The following DCLK1 variants were observed in gnomAD, a reference collection of about 807,000 sequenced individuals.
DCLK1 encodes the protein doublecortin like kinase 1.
DCLK1 carries 16 observed loss-of-function variants against 86.2 expected under a neutral mutation model. That is an observed-to-expected ratio of 0.19 (90% CI 0.13 to 0.28). The LOEUF is 0.28. Among genes scored for constraint, DCLK1 ranks in the 10% least tolerant of loss-of-function variants. DCLK1 has a pLI of 1.00. For synonymous variants in DCLK1, 369 were observed against 370.5 expected (o/e 1.00, Z 0.05); for missense variants, 590 against 940.2 (o/e 0.63, Z 4.87).
intron 3 of DCLK1, among the ~76,000 whole-genome samples, chr13:35,950,394 G>A (rs184998845): frequency 6.6e-6 from 1 of 152,290 alleles, no homozygotes; most frequent in African/African-American, 2.4e-5. Flanking sequence ...AATGTACATT[G>A]AGAATTTTCC....
At chr13:36,098,028 T>C (rs1885075787) in intron 3 of DCLK1, among the ~76,000 whole-genome samples, 1 of 152,222 alleles carries the variant, frequency 6.6e-6, no homozygotes, top group Non-Finnish European at 1.5e-5. Flanking sequence ...CAATAGTATC[T>C]ACTCCCATAA....
At chr13:36,045,377 T>TATCTATCTATATA (rs568110221) in intron 3 of DCLK1, among the ~76,000 whole-genome samples, 2 of 125,080 alleles carry the variant, frequency 1.6e-5, no homozygotes, top group Admixed American at 8.8e-5. Flanking sequence ...TATATATATA[T>TATCTATCTATATA]TTCAAGGTAA....
At chr13:35,839,279 C>T (rs1869623641) in intron 6 of DCLK1, 103 bp from the exon 7 acceptor site, 1 of 976,260 alleles carries the variant, frequency 1.0e-6, no homozygotes. Flanking sequence ...TTTGCCCATG[C>T]TAGGGAGGAT....
Position 35,871,218 on chromosome 13 carries a change from C to T in DCLK1, c.940+6G>A. 6.2e-7 allele frequency: 1 copy of T among 1,612,026 alleles called. No individual in the cohort carries two copies. Among genetic ancestry groups the T allele is most frequent in the Non-Finnish European group, 8.5e-7 (1 of 1,178,514 alleles). On this transcript the variant is annotated splice_donor_region_variant and intron_variant, in intron 5 of 16. Transcript: ENST00000360631. The stretch of plus-strand genomic sequence containing the variant: ...AATTTCTTCAAAATCCCCTCTGCTG[C>T]TTTACCTGAGCTGGTGGAGGCAGGG...
intron 4 of DCLK1, among the ~76,000 whole-genome samples, chr13:35,876,283 G>A (rs938989889): frequency 2.6e-4 from 39 of 152,170 alleles, no homozygotes; most frequent in African/African-American, 9.2e-4. Context: ...TTAAGGATAA[G>A]AGTGATACTT....
intron 3 of DCLK1, among the ~76,000 whole-genome samples, chr13:35,992,516 T>C (rs895610685): frequency 6.6e-6 from 1 of 152,140 alleles, no homozygotes; most frequent in Non-Finnish European, 1.5e-5. Context: ...AGACAAGTTT[T>C]GTGCATTTCT....
intron 3 of DCLK1, among the ~76,000 whole-genome samples, chr13:35,956,273 G>C (rs1203912048): frequency 6.6e-6 from 1 of 152,114 alleles, no homozygotes; most frequent in Non-Finnish European, 1.5e-5. Context: ...GCTTATCTGA[G>C]CCATCTGATT....
intron 3 of DCLK1, among the ~76,000 whole-genome samples, chr13:36,106,212 A>G (rs1382569351): frequency 6.6e-6 from 1 of 152,188 alleles, no homozygotes; most frequent in East Asian, 1.9e-4. Flanking sequence ...GTGAAAAAAA[A>G]AAGGACTTAA....
intron 3 of DCLK1, among the ~76,000 whole-genome samples, chr13:35,949,174 C>A (rs151256710): frequency 6.6e-6 from 1 of 152,182 alleles, no homozygotes; most frequent in African/African-American, 2.4e-5. Context: ...ATGATTAATA[C>A]GTTTTGTGCA....
At chr13:35,849,772 G>A (rs1462770142) in intron 6 of DCLK1, 1 of 985,012 alleles carries the variant, frequency 1.0e-6, no homozygotes, top group East Asian at 1.1e-4. Flanking sequence ...TGGATACTCT[G>A]GGCCTGATTT....
chr13:35,976,142 G>A (rs888139816), intron 3 of DCLK1, among the ~76,000 whole-genome samples: 1 of 152,162 alleles, frequency 6.6e-6, no homozygotes, highest in African/African-American at 2.4e-5. Flanking sequence ...GATGACATGC[G>A]GGTAGGGTTC....
intron 11 of DCLK1, among the ~76,000 whole-genome samples, chr13:35,817,389 A>AC (rs978071924): frequency 8.6e-5 from 13 of 151,962 alleles, no homozygotes; most frequent in Admixed American, 8.5e-4. Context: ...TTTTCTAAAC[A>AC]CCCCCAAAAA....
At position 35,770,957 on chromosome 13, in the gene DCLK1, A is replaced by C. The variant is rs2086321162; in HGVS notation, c.*3578T>G. 6.6e-6 allele frequency: 1 copy of C among 152,230 alleles called. No homozygotes were observed. 9.4% of individuals were successfully genotyped at this position (152,230 alleles called of 1,614,324 possible). A position where few individuals can be genotyped will look rare whatever the true frequency, so the allele number is the denominator to read the frequency against. Reference sequence around the variant, plus strand: ...TATGGTCAAATTAAAAACCTTTGAGAATAGGAGTTTATCATAGAAATGCTG... The same window carrying C: ...TATGGTCAAATTAAAAACCTTTGAGCATAGGAGTTTATCATAGAAATGCTG... On this transcript the variant is annotated 3_prime_UTR_variant, in exon 17 of 17. Coordinates refer to ENST00000360631, the MANE Select transcript of DCLK1 (RefSeq NM_001330071.2).
chr13:35,796,093 A>G (rs145659313), intron 15 of DCLK1, among the ~76,000 whole-genome samples: 1 of 152,264 alleles, frequency 6.6e-6, no homozygotes, highest in East Asian at 1.9e-4. Context: ...AGTCTTCTGA[A>G]TATTAGTATC....
chr13:35,833,063 T>A (rs1351298211), intron 8 of DCLK1, among the ~76,000 whole-genome samples: 1 of 152,164 alleles, frequency 6.6e-6, no homozygotes, highest in Non-Finnish European at 1.5e-5. Context: ...TCTGCTGGAT[T>A]TGAGCCTGCT....
rs17052999 is a variant in DCLK1, at chr13:35,852,879, C to T, written c.1035+1620G>A. On this transcript the variant is annotated intron_variant, in intron 6 of 16. Coordinates refer to ENST00000360631, the MANE Select transcript of DCLK1 (RefSeq NM_001330071.2). The stretch of plus-strand genomic sequence containing the variant: ...CTTAATGTCAACAACTAAGCATAAA[C>T]GACACCAATAAATCTTTAATCTGAG... Among the ~76,000 whole-genome samples the T allele has an allele frequency of 5.2e-3, 791 of 152,288 alleles. 7 individuals carry two copies. Among genetic ancestry groups the T allele is most frequent in the African/African-American group, 0.018 (766 of 41,554 alleles).
At chr13:35,841,326 C>T (rs1869777112) in intron 6 of DCLK1, among the ~76,000 whole-genome samples, 1 of 152,078 alleles carries the variant, frequency 6.6e-6, no homozygotes, top group African/African-American at 2.4e-5. Context: ...GAGCTCTGAC[C>T]CATAGTACAT....
At chr13:35,838,736 C>T (rs1472443256) in intron 7 of DCLK1, among the ~76,000 whole-genome samples, 1 of 152,140 alleles carries the variant, frequency 6.6e-6, no homozygotes, top group Non-Finnish European at 1.5e-5. Flanking sequence ...TTAAATTTGG[C>T]CTTTGTTCAC....
chr13:36,026,156 G>C (rs989764079), intron 3 of DCLK1, among the ~76,000 whole-genome samples: 1 of 152,164 alleles, frequency 6.6e-6, no homozygotes, highest in East Asian at 1.9e-4. Context: ...CAGGTATTTT[G>C]AGAGCTTTGC....
Sources: allele counts gnomAD v4.1 joint callset (sites outside exome capture counted in the v4.1 genomes callset), GRCh38; gene constraint gnomAD v4.1.1; transcripts MANE v1.5; gene names NCBI Gene and HGNC (gene_info 2026-07-23, HGNC 2026-07-21).